Variants in ZRANB3 observed in about 807,000 individuals in gnomAD.
ZRANB3 encodes DNA annealing helicase and endonuclease ZRANB3.
A neutral mutation model predicts 133.8 loss-of-function variants in ZRANB3; 125 were observed. That is an observed-to-expected ratio of 0.93 (90% CI 0.81 to 1.08). The LOEUF is 1.08. ZRANB3 is among the 50% of genes least tolerant of loss of function. The pLI is 0.00. For missense variants in ZRANB3, 1,229 were observed against 1,275.5 expected (o/e 0.96, Z 0.56); for synonymous variants, 387 against 432.7 (o/e 0.89, Z 1.31).
rs777919371 is a variant in ZRANB3, at chr2:135,230,567, T to C, written c.1900A>G (p.Asn634Asp). 13 of 1,577,134 alleles carry C rather than the reference T, an allele frequency of 8.2e-6. No individual in the cohort carries two copies. Among genetic ancestry groups the C allele is most frequent in the Non-Finnish European group, 1.1e-5 (13 of 1,166,878 alleles). The change falls in exon 13 of 21, where the codon AAT becomes GAT. Residue 634 changes from asparagine (N) to aspartate (D), a missense_variant. Transcript: ENST00000264159. ...GWQCSLCTYI[N>D]NSELPYCEMC... ...TCACAATAAGGTAACTCTGAATTAT[T>C]GATATAGGTGCAGAGACTACATTGC...
At chr2:135,459,343 T>C (rs1271634345) in intron 2 of ZRANB3, among the ~76,000 whole-genome samples, 2 of 152,214 alleles carry the variant, frequency 1.3e-5, no homozygotes, top group African/African-American at 4.8e-5. Context: ...CTCATTTTAA[T>C]ACACTTTCAG....
chr2:135,235,014 A>G (rs1394154225), intron 12 of ZRANB3, among the ~76,000 whole-genome samples: 2 of 152,240 alleles, frequency 1.3e-5, no homozygotes, highest in African/African-American at 4.8e-5. Flanking sequence ...GTTTTTTGAA[A>G]AGATCAACAA....
At chr2:135,265,732 A>G (rs1338788840) in intron 11 of ZRANB3, 46 bp from the exon 12 acceptor site, 1 of 1,552,436 alleles carries the variant, frequency 6.4e-7, no homozygotes, top group East Asian at 2.3e-5. Context: ...TTCACCTCAC[A>G]GCTGAAATTC....
At chr2:135,295,017 C>T (rs542697906) in intron 8 of ZRANB3, among the ~76,000 whole-genome samples, 30 of 152,112 alleles carry the variant, frequency 2.0e-4, no homozygotes, top group Non-Finnish European at 3.4e-4. Flanking sequence ...TTACTTCTAA[C>T]TATGTGGTTA....
intron 3 of ZRANB3, among the ~76,000 whole-genome samples, chr2:135,367,321 C>T (rs1685982858): frequency 6.6e-6 from 1 of 152,162 alleles, no homozygotes; most frequent in South Asian, 2.1e-4. Flanking sequence ...TGGTGGCAGC[C>T]ACGTCCCCGT....
At chr2:135,394,192 C>T (rs1028483122) in intron 2 of ZRANB3, among the ~76,000 whole-genome samples, 1 of 152,112 alleles carries the variant, frequency 6.6e-6, no homozygotes, top group Admixed American at 6.5e-5. Flanking sequence ...CCGAGATACC[C>T]CCGATTTGTT....
chr2:135,204,650 A>AAAAAT (rs1553454875), intron 19 of ZRANB3, among the ~76,000 whole-genome samples: 7 of 141,762 alleles, frequency 4.9e-5, no homozygotes, highest in African/African-American at 1.6e-4. Flanking sequence ...AAAAAAAAAA[A>AAAAAT]ATATATATAT....
At chr2:135,292,004 A>C (rs947904427) in intron 8 of ZRANB3, among the ~76,000 whole-genome samples, 11 of 152,222 alleles carry the variant, frequency 7.2e-5, no homozygotes, top group African/African-American at 2.7e-4. Flanking sequence ...ATTGTTGGAC[A>C]TTTGGGTTGG....
intron 2 of ZRANB3, among the ~76,000 whole-genome samples, chr2:135,405,942 C>G (rs1480782994): frequency 1.3e-5 from 2 of 152,148 alleles, no homozygotes; most frequent in African/African-American, 2.4e-5. Flanking sequence ...CATTCCAAAT[C>G]TAGCAGAAGG....
chr2:135,239,193 A>G (rs1695440475), intron 12 of ZRANB3, among the ~76,000 whole-genome samples: 1 of 152,228 alleles, frequency 6.6e-6, no homozygotes, highest in South Asian at 2.1e-4. Flanking sequence ...TATATAAGAA[A>G]GAATTATAAA....
chr2:135,368,567 A>C (rs1686035849), intron 3 of ZRANB3, among the ~76,000 whole-genome samples: 2 of 152,048 alleles, frequency 1.3e-5, no homozygotes, highest in Admixed American at 6.5e-5. Context: ...ATTGAAATAA[A>C]AAAGTAAGAT....
intron 12 of ZRANB3, among the ~76,000 whole-genome samples, chr2:135,240,120 T>C (rs960480973): frequency 6.6e-6 from 1 of 151,874 alleles, no homozygotes; most frequent in Non-Finnish European, 1.5e-5. Flanking sequence ...GACAGGAGGA[T>C]TGTTTGATGC....
At chr2:135,381,200 T>A (rs750094591) in intron 3 of ZRANB3, among the ~76,000 whole-genome samples, 1 of 152,126 alleles carries the variant, frequency 6.6e-6, no homozygotes. Flanking sequence ...ACCAGGAGAT[T>A]ATATCCCATG....
intron 1 of ZRANB3, among the ~76,000 whole-genome samples, chr2:135,514,778 A>G (rs914220899): frequency 6.6e-6 from 1 of 152,226 alleles, no homozygotes; most frequent in African/African-American, 2.4e-5. Context: ...TGGGTGTGTC[A>G]TAAATAGCTC....
intron 17 of ZRANB3, among the ~76,000 whole-genome samples, chr2:135,216,014 A>G (rs142296929): frequency 1.4e-4 from 22 of 152,294 alleles, no homozygotes; most frequent in African/African-American, 3.6e-4. Flanking sequence ...AAGAATTTCT[A>G]AGGTATCCTT....
At chr2:135,505,704 A>G (rs1279034988) in intron 1 of ZRANB3, among the ~76,000 whole-genome samples, 1 of 152,228 alleles carries the variant, frequency 6.6e-6, no homozygotes, top group Non-Finnish European at 1.5e-5. Context: ...GCAAGTATTT[A>G]TTTATTAATA....
At chr2:135,247,501 G>T (rs1434629230) in intron 12 of ZRANB3, among the ~76,000 whole-genome samples, 1 of 151,816 alleles carries the variant, frequency 6.6e-6, no homozygotes, top group African/African-American at 2.4e-5. Flanking sequence ...AACACATTTT[G>T]ATTTTTTTTA....
intron 2 of ZRANB3, among the ~76,000 whole-genome samples, chr2:135,448,714 C>T (rs1317633350): frequency 6.6e-6 from 1 of 152,186 alleles, no homozygotes; most frequent in Non-Finnish European, 1.5e-5. Flanking sequence ...CAGAAGAATG[C>T]TGGCCACAGG....
At chr2:135,451,205 T>C (rs1467791974) in intron 2 of ZRANB3, among the ~76,000 whole-genome samples, 1 of 152,146 alleles carries the variant, frequency 6.6e-6, no homozygotes, top group Middle Eastern at 3.2e-3. Context: ...CTCAACAATA[T>C]TCCTATGAAT....
Sources: allele counts gnomAD v4.1 joint callset (sites outside exome capture counted in the v4.1 genomes callset), GRCh38; gene constraint gnomAD v4.1.1; transcripts MANE v1.5; gene names NCBI Gene and HGNC (gene_info 2026-07-23, HGNC 2026-07-21).